PDS5B: variants seen among roughly 807,000 people sequenced by gnomAD.
PDS5B encodes PDS5 cohesin associated factor B, also known as sister chromatid cohesion protein PDS5 homolog B.
Under a neutral mutation model 184.1 loss-of-function variants are expected in PDS5B, and 51 were observed. The ratio of observed to expected loss-of-function variants is 0.28; its 90% CI spans 0.22 to 0.35. The LOEUF (loss-of-function observed/expected upper bound fraction) is 0.35, where lower values mean the gene tolerates loss of function less well. PDS5B is among the 10% of genes least tolerant of loss of function. The probability of loss-of-function intolerance (pLI) is 1.00; values close to 1 mark genes in which losing one functional copy is unlikely to be tolerated. For missense variants in PDS5B, 1,180 were observed against 1,723.3 expected (o/e 0.68, Z 5.58); for synonymous variants, 566 against 569.2 (o/e 0.99, Z 0.08).
chr13:32,771,253 A>C (rs538746011), intron 33 of PDS5B, among the ~76,000 whole-genome samples: 1 of 152,262 alleles, frequency 6.6e-6, no homozygotes, highest in African/African-American at 2.4e-5. Context: ...CAAGTGTTTG[A>C]TATCTTGATT....
chr13:32,693,830 A>T (rs1437508517), intron 13 of PDS5B, among the ~76,000 whole-genome samples: 3 of 151,676 alleles, frequency 2.0e-5, no homozygotes, highest in Non-Finnish European at 3.0e-5. Context: ...CTTATAAATA[A>T]TTCCAGACTG....
Position 32,667,772 on chromosome 13 carries a change from C to A in PDS5B, c.633C>A (p.Asn211Lys). ...VNLVPAHKNL[N>K]KQAYDLAKAL... ...TTGTTTATGTTTTTCAGAATTTAAA[C>A]AAGCAAGCATATGATTTGGCAAAGG... Residue 211 changes from asparagine (N) to lysine (K), a missense_variant, in exon 7 of 35, where the codon AAC (asparagine) becomes AAA (lysine). Asn to Lys is a moderately conservative substitution (Grantham distance 94). Around this residue, in one of 11 missense-constraint regions of PDS5B, gnomAD observed 79 missense variants for 124.6 expected, o/e 0.63. Coordinates refer to ENST00000315596, the MANE Select transcript of PDS5B (RefSeq NM_015032.4). 6.3e-7 allele frequency: 1 copy of A among 1,586,344 alleles called. No individual in the cohort carries two copies. The highest frequency in any genetic ancestry group is 8.6e-7 in the Non-Finnish European group (1 of 1,166,714).
chr13:32,725,409 C>T (rs1338469567), intron 19 of PDS5B, among the ~76,000 whole-genome samples: 3 of 152,088 alleles, frequency 2.0e-5, no homozygotes, highest in Admixed American at 6.6e-5. Flanking sequence ...CCAATAATCT[C>T]TGTAATTTCT....
chr13:32,721,558 C>T (rs1287765575), intron 19 of PDS5B, among the ~76,000 whole-genome samples: 1 of 146,398 alleles, frequency 6.8e-6, no homozygotes, highest in Non-Finnish European at 1.5e-5. Context: ...CTCCTCACCT[C>T]CCAGATGGGG....
intron 1 of PDS5B, among the ~76,000 whole-genome samples, chr13:32,635,870 G>A (rs1320514932): frequency 6.7e-6 from 1 of 148,852 alleles, no homozygotes; most frequent in Non-Finnish European, 1.5e-5. Context: ...CTCGGTTCAC[G>A]CCATTCTCCT....
At position 32,759,705 on chromosome 13, in the gene PDS5B, T is replaced by A. The variant is rs2141012838; in HGVS notation, c.3372+15T>A. ...CTCCTGGAAAAGTATGTTTTGAGAA[T>A]CATTTTAATTTTTATGTGGTAGCTT... On this transcript the variant is annotated intron_variant, in intron 29 of 34. Coordinates refer to ENST00000315596, the MANE Select transcript of PDS5B (RefSeq NM_015032.4). 1 of 1,440,864 alleles carries A rather than the reference T, an allele frequency of 6.9e-7. No homozygotes were observed. The highest frequency in any genetic ancestry group is 1.2e-5 in the South Asian group (1 of 80,028). The allele number at this position is 1,440,864 out of a possible 1,614,324, so 89.3% of individuals were successfully genotyped here.
intron 19 of PDS5B, among the ~76,000 whole-genome samples, chr13:32,720,480 A>G (rs1031500261): frequency 2.0e-5 from 3 of 152,236 alleles, no homozygotes; most frequent in East Asian, 1.9e-4. Context: ...GAAACAAACT[A>G]TACTAGGTAT....
At chr13:32,757,022 G>A (rs555023249) in intron 26 of PDS5B, among the ~76,000 whole-genome samples, 1 of 152,150 alleles carries the variant, frequency 6.6e-6, no homozygotes, top group East Asian at 1.9e-4. Context: ...CTACTTGGGA[G>A]GCTGAGGCAG....
chr13:32,748,797 G>A (rs539681912), intron 24 of PDS5B, among the ~76,000 whole-genome samples: 78 of 151,952 alleles, frequency 5.1e-4, no homozygotes, highest in African/African-American at 1.8e-3. Context: ...AATCTGAATG[G>A]CATTTCTTAT....
intron 13 of PDS5B, among the ~76,000 whole-genome samples, chr13:32,691,659 T>A (rs1951553302): frequency 6.6e-6 from 1 of 152,000 alleles, no homozygotes; most frequent in African/African-American, 2.4e-5. Flanking sequence ...GTCTGGGCAG[T>A]CTGATTTTTA....
intron 1 of PDS5B, among the ~76,000 whole-genome samples, chr13:32,587,392 G>A (rs921603141): frequency 7.9e-5 from 12 of 152,230 alleles, no homozygotes; most frequent in Non-Finnish European, 1.3e-4. Flanking sequence ...CTTTCAGAAG[G>A]AACGGCGGGG....
chr13:32,610,570 G>C (rs1210376941), intron 1 of PDS5B, among the ~76,000 whole-genome samples: 2 of 151,514 alleles, frequency 1.3e-5, no homozygotes, highest in East Asian at 3.9e-4. Context: ...TTGCTTAAAA[G>C]TTACCAATGT....
intron 1 of PDS5B, among the ~76,000 whole-genome samples, chr13:32,594,509 C>T (rs1467364696): frequency 1.3e-5 from 2 of 151,876 alleles, no homozygotes; most frequent in Non-Finnish European, 2.9e-5. Flanking sequence ...AGGAAGGGCT[C>T]AATACAATAT....
chr13:32,680,067 G>A (rs1951195105), intron 10 of PDS5B, among the ~76,000 whole-genome samples: 1 of 152,070 alleles, frequency 6.6e-6, no homozygotes, highest in Admixed American at 6.5e-5. Context: ...CTTCCAAAAT[G>A]TCTGTATCTG....
At chr13:32,762,403 A>G (rs1337123279) in intron 30 of PDS5B, among the ~76,000 whole-genome samples, 3 of 152,204 alleles carry the variant, frequency 2.0e-5, no homozygotes, top group Non-Finnish European at 4.4e-5. Context: ...TGAATGATAT[A>G]TAGTATGATA....
intron 19 of PDS5B, among the ~76,000 whole-genome samples, chr13:32,715,495 T>A (rs114112600): frequency 0.014 from 2,138 of 152,346 alleles, 42 homozygotes; most frequent in African/African-American, 0.048. Context: ...TATGGCTATG[T>A]AAATGTATTT....
intron 14 of PDS5B, among the ~76,000 whole-genome samples, chr13:32,695,282 A>T (rs1476026670): frequency 6.6e-6 from 1 of 151,918 alleles, no homozygotes; most frequent in Non-Finnish European, 1.5e-5. Flanking sequence ...TGTTTTATTG[A>T]ACATAACCTT....
At position 32,699,791 on chromosome 13, in the gene PDS5B, A is replaced by T; in HGVS notation, c.1662A>T (p.Glu554Asp). ...DFMKKFTQVL[E>D]DDEKIRKQLE... ...TGAAGAAATTCACACAGGTGTTAGA[A>T]GATGATGAGAAAATAAGAAAGCAGT... Residue 554 changes from glutamate to aspartate, a missense_variant, in exon 16 of 35, where the codon GAA (glutamate) becomes GAT (aspartate). Glu to Asp is a conservative substitution (Grantham distance 45). This residue lies in a region of PDS5B where 475 missense variants were observed against 691.5 expected (regional missense o/e 0.69). Transcript: ENST00000315596. 1 of 1,581,558 alleles carries T rather than the reference A, an allele frequency of 6.3e-7. No homozygotes were observed. Among genetic ancestry groups the T allele is most frequent in the Non-Finnish European group, 8.6e-7 (1 of 1,166,152 alleles).
chr13:32,628,781 T>A (rs970881392), intron 1 of PDS5B, among the ~76,000 whole-genome samples: 1 of 152,180 alleles, frequency 6.6e-6, no homozygotes, highest in African/African-American at 2.4e-5. Flanking sequence ...CTGTTATATT[T>A]TTTTCTTTGT....
Sources: allele counts gnomAD v4.1 joint callset (sites outside exome capture counted in the v4.1 genomes callset), GRCh38; gene constraint gnomAD v4.1.1; regional missense constraint gnomAD v4.1.1; transcripts MANE v1.5; gene names NCBI Gene and HGNC (gene_info 2026-07-23, HGNC 2026-07-21).